Variants in TMEM178B observed in about 807,000 individuals in gnomAD.
TMEM178B encodes the protein transmembrane protein 178B.
A neutral mutation model predicts 31.0 loss-of-function variants in TMEM178B; 5 were observed. That is an observed-to-expected ratio of 0.16 (90% CI 0.08 to 0.34). TMEM178B has a LOEUF of 0.34. Ranked by LOEUF, TMEM178B falls within the 10% of genes least tolerant of loss-of-function variation. The pLI, the probability that TMEM178B is intolerant of heterozygous loss-of-function variation, is 1.00. For missense variants in TMEM178B, 275 were observed against 400.3 expected (o/e 0.69, Z 2.67); for synonymous variants, 164 against 164.0 (o/e 1.00, Z 0.00).
chr7:141,446,860 A>G (rs1801769102), intron 3 of TMEM178B, among the ~76,000 whole-genome samples: 1 of 152,108 alleles, frequency 6.6e-6, no homozygotes. Context: ...TATTATTATT[A>G]TTTAGCTACT....
At chr7:141,125,144 T>C (rs1441197262) in intron 1 of TMEM178B, among the ~76,000 whole-genome samples, 1 of 152,200 alleles carries the variant, frequency 6.6e-6, no homozygotes, top group East Asian at 1.9e-4. Flanking sequence ...CTCTCTCCTA[T>C]CTCAACCTCA....
At position 141,074,416 on chromosome 7, in the gene TMEM178B, G is replaced by T; in HGVS notation, c.106G>T (p.Ala36Ser). 6.5e-7 allele frequency: 1 copy of T among 1,536,120 alleles called. No individual in the cohort carries two copies. The highest frequency in any genetic ancestry group is 8.7e-7 in the Non-Finnish European group (1 of 1,146,866). The change falls in exon 1 of 4, where the codon GCC (alanine) becomes TCC (serine). Residue 36 changes from alanine (A) to serine (S), a missense_variant. Transcript: ENST00000565468. This position sits in a 1 kb window ranked among gnomAD's most constrained non-coding sequence, Gnocchi z 5.1. Reference protein sequence around the residue: ...ICSDHWYETDARKHRDRCKAF... With the variant: ...ICSDHWYETDSRKHRDRCKAF... Reference sequence around the variant, plus strand: ...CTCGGACCACTGGTACGAGACGGACGCCAGGAAGCACAGGGACAGGTGCAA... The same window carrying T: ...CTCGGACCACTGGTACGAGACGGACTCCAGGAAGCACAGGGACAGGTGCAA...
At chr7:141,083,646 A>G (rs1009957565) in intron 1 of TMEM178B, among the ~76,000 whole-genome samples, 1 of 152,236 alleles carries the variant, frequency 6.6e-6, no homozygotes, top group Non-Finnish European at 1.5e-5. Flanking sequence ...TCCTCTTTCA[A>G]ATGGCTTGAA....
Position 141,087,402 on chromosome 7 carries a change from C to CT in TMEM178B, c.382+12714dup, listed in dbSNP as rs1324999501. On this transcript the variant is annotated intron_variant, in intron 1 of 3. Coordinates refer to ENST00000565468, the MANE Select transcript of TMEM178B (RefSeq NM_001195278.2). ...ACTAATGGACAAGTCATTCCAGCCC[C>CT]TTTTAAATTTCCTGCTGCTTGTGGA... Among the ~76,000 whole-genome samples the CT allele has an allele frequency of 8.5e-5, 13 of 152,238 alleles. No individual in the cohort carries two copies. In the East Asian group the frequency reaches 2.5e-3, roughly 29 times the overall value.
intron 2 of TMEM178B, among the ~76,000 whole-genome samples, chr7:141,280,058 C>T (rs1333233576): frequency 3.3e-5 from 5 of 152,360 alleles, no homozygotes; most frequent in South Asian, 2.1e-4. Context: ...TTCCTGGGCT[C>T]ATCCTCTAGA....
chr7:141,340,023 A>G (rs1799489964), intron 2 of TMEM178B, among the ~76,000 whole-genome samples: 2 of 152,278 alleles, frequency 1.3e-5, no homozygotes, highest in Non-Finnish European at 2.9e-5. Flanking sequence ...CTGTCAAGAT[A>G]GCCACACCTT....
At chr7:141,186,335 A>G (rs1796609274) in intron 1 of TMEM178B, among the ~76,000 whole-genome samples, 1 of 152,050 alleles carries the variant, frequency 6.6e-6, no homozygotes, top group Admixed American at 6.5e-5. Flanking sequence ...GACATCAGGA[A>G]ACCCACAAAG....
rs1219907597 is a variant in TMEM178B at position 141,472,610 on chromosome 7, T to C, written c.*1824T>C. The C allele has an allele frequency of 6.6e-6, 1 of 152,188 alleles. No individual in the cohort carries two copies. The highest frequency in any genetic ancestry group is 1.5e-5 in the Non-Finnish European group (1 of 68,048). The allele number at this position is 152,188 out of a possible 1,614,324, so 9.4% of individuals were successfully genotyped here. On this transcript the variant is annotated 3_prime_UTR_variant, in exon 4 of 4. Coordinates refer to ENST00000565468, the MANE Select transcript of TMEM178B (RefSeq NM_001195278.2). Reference sequence around the variant, plus strand: ...CTGTGTAGCAGAGAATCCCCTTGTTTCATAAACAAATATGCTTTGGGAGCT... The same window carrying C: ...CTGTGTAGCAGAGAATCCCCTTGTTCCATAAACAAATATGCTTTGGGAGCT...
intron 2 of TMEM178B, among the ~76,000 whole-genome samples, chr7:141,314,367 T>C (rs1798965634): frequency 6.6e-6 from 1 of 152,216 alleles, no homozygotes; most frequent in African/African-American, 2.4e-5. Context: ...TTATACTCTT[T>C]TGGGGACAGG....
intron 1 of TMEM178B, among the ~76,000 whole-genome samples, chr7:141,115,876 G>T (rs1041374527): frequency 1.3e-4 from 20 of 152,160 alleles, no homozygotes; most frequent in African/African-American, 4.8e-4. Context: ...ATAAAATAAA[G>T]CTAGGTATAA....
intron 3 of TMEM178B, among the ~76,000 whole-genome samples, chr7:141,462,756 A>ACTG (rs1341266402): frequency 6.6e-6 from 1 of 152,144 alleles, no homozygotes; most frequent in Non-Finnish European, 1.5e-5. Context: ...CAATCTGGGC[A>ACTG]TGAAAGTGGC....
At chr7:141,187,990 T>C in intron 1 of TMEM178B, among the ~76,000 whole-genome samples, 1 of 152,208 alleles carries the variant, frequency 6.6e-6, no homozygotes, top group Non-Finnish European at 1.5e-5. Context: ...CCATTGCTTT[T>C]GGTGTTTTAG....
intron 2 of TMEM178B, among the ~76,000 whole-genome samples, chr7:141,291,697 A>T (rs1798548882): frequency 6.6e-6 from 1 of 152,078 alleles, no homozygotes; most frequent in African/African-American, 2.4e-5. Flanking sequence ...GAAGAATTGT[A>T]CTTTCAGTTT....
rs1802281372 is a variant in TMEM178B, at chr7:141,473,264, T to C, written c.*2478T>C. The stretch of plus-strand genomic sequence containing the variant: ...GTATCTCAGATTGAGAGGCCTTTTG[T>C]CTTCCTTCCAAGCGTCCTGAAGGGG... On this transcript the variant is annotated 3_prime_UTR_variant, in exon 4 of 4. Coordinates refer to ENST00000565468, the MANE Select transcript of TMEM178B (RefSeq NM_001195278.2). 1 of 152,192 alleles carries C rather than the reference T, an allele frequency of 6.6e-6. No homozygotes were observed. Among genetic ancestry groups the C allele is most frequent in the African/African-American group, 2.4e-5 (1 of 41,442 alleles). 9.4% of individuals were successfully genotyped at this position (152,192 alleles called of 1,614,324 possible).
At chr7:141,463,553 C>CCT (rs1802098211) in intron 3 of TMEM178B, among the ~76,000 whole-genome samples, 1 of 152,216 alleles carries the variant, frequency 6.6e-6, no homozygotes, top group Admixed American at 6.5e-5. Context: ...TACTTCCTGC[C>CCT]CTCCTTCCCA....
At chr7:141,237,300 A>T (rs1268574550) in intron 2 of TMEM178B, among the ~76,000 whole-genome samples, 3 of 152,262 alleles carry the variant, frequency 2.0e-5, no homozygotes, top group Non-Finnish European at 2.9e-5. Flanking sequence ...AGAGAGTTTT[A>T]AATTCAAATT....
intron 2 of TMEM178B, among the ~76,000 whole-genome samples, chr7:141,239,000 A>G (rs1220053971): frequency 4.6e-5 from 7 of 152,170 alleles, no homozygotes; most frequent in African/African-American, 1.7e-4. Flanking sequence ...AGGCTGAAAA[A>G]TATTTCACAA....
intron 2 of TMEM178B, among the ~76,000 whole-genome samples, chr7:141,338,377 G>A (rs1232249447): frequency 6.6e-6 from 1 of 152,124 alleles, no homozygotes; most frequent in Admixed American, 6.5e-5. Context: ...TTTCTTCCCT[G>A]TCAATCAAAG....
At chr7:141,252,047 C>T (rs9791400) in intron 2 of TMEM178B, among the ~76,000 whole-genome samples, 66,004 of 151,996 alleles carry the variant, frequency 0.43, 14,576 homozygotes, top group East Asian at 0.67. Context: ...GTGTCCCTAC[C>T]GAAGATGCTA....
Sources: allele counts gnomAD v4.1 joint callset (sites outside exome capture counted in the v4.1 genomes callset), GRCh38; gene constraint gnomAD v4.1.1; non-coding constraint Gnocchi (gnomAD v3.1); transcripts MANE v1.5; gene names NCBI Gene and HGNC (gene_info 2026-07-23, HGNC 2026-07-21).